Variants in CSMD1 observed in about 807,000 individuals in gnomAD.
CSMD1 encodes the protein CUB and sushi domain-containing protein 1.
CSMD1 carries 213 observed loss-of-function variants against 417.5 expected under a neutral mutation model. The ratio of observed to expected loss-of-function variants is 0.51; its 90% CI spans 0.46 to 0.57. The LOEUF is 0.57. Ranked by LOEUF, CSMD1 falls within the 20% of genes least tolerant of loss-of-function variation. The probability of loss-of-function intolerance (pLI) is 0.00; values close to 1 mark genes in which losing one functional copy is unlikely to be tolerated. For missense variants in CSMD1, 6,923 were observed against 4,529.7 expected (o/e 1.53, Z -15.17); for synonymous variants, 2,862 against 1,736.8 (o/e 1.65, Z -16.11).
intron 2 of CSMD1, among the ~76,000 whole-genome samples, chr8:4,473,926 A>G (rs960684486): frequency 2.0e-5 from 3 of 152,204 alleles, no homozygotes; most frequent in Non-Finnish European, 4.4e-5. Context: ...ATCAATAAAT[A>G]ATATTAAAGC....
chr8:3,211,884 G>A (rs1797630538), intron 30 of CSMD1, among the ~76,000 whole-genome samples: 3 of 152,196 alleles, frequency 2.0e-5, no homozygotes, highest in Admixed American at 2.0e-4. Flanking sequence ...GGCCGCTCAG[G>A]ATATGAGGGG....
At chr8:3,266,624 A>AAAAAG in intron 26 of CSMD1, among the ~76,000 whole-genome samples, 1 of 149,918 alleles carries the variant, frequency 6.7e-6, no homozygotes, top group African/African-American at 2.5e-5. Context: ...AAAAAAAAAA[A>AAAAAG]AAAAGCCAGG....
At chr8:3,248,335 C>G (rs548202781) in intron 26 of CSMD1, among the ~76,000 whole-genome samples, 1 of 151,960 alleles carries the variant, frequency 6.6e-6, no homozygotes, top group African/African-American at 2.4e-5. Flanking sequence ...ATGAACAGCA[C>G]CCATGTTTAC....
chr8:3,563,996 C>G (rs926504566), intron 10 of CSMD1, among the ~76,000 whole-genome samples: 1 of 152,052 alleles, frequency 6.6e-6, no homozygotes, highest in African/African-American at 2.4e-5. Context: ...CATTAAAGTT[C>G]TGTCTTTTTA....
rs147909163 is a variant in CSMD1, at chr8:4,888,504, T to TGAGA, written c.85+105824_85+105827dup. Among the ~76,000 whole-genome samples, 83 of 145,294 alleles carry TGAGA rather than the reference T, an allele frequency of 5.7e-4. No individual in the cohort carries two copies. The Middle Eastern group carries it at 0.011, about 19-fold the overall frequency. ...ACATACAGAAGGATAGACTGATAGATGAGAGAGAGAGAGAGAGAGAGAGAG... is the reference window on the plus strand; with the variant it reads ...ACATACAGAAGGATAGACTGATAGATGAGAGAGAGAGAGAGAGAGAGAGAGAGAG... On this transcript the variant is annotated intron_variant, in intron 1 of 69. Coordinates refer to ENST00000635120, the MANE Select transcript of CSMD1 (RefSeq NM_033225.6).
At chr8:4,731,875 A>C (rs1055211353) in intron 1 of CSMD1, among the ~76,000 whole-genome samples, 5 of 152,106 alleles carry the variant, frequency 3.3e-5, no homozygotes, top group African/African-American at 1.2e-4. Flanking sequence ...CTGTATTTTT[A>C]TTCTAACTGT....
chr8:3,932,737 G>C lies in CSMD1; in HGVS notation c.818+65166C>G, dbSNP rs1279726468. On this transcript the variant is annotated intron_variant, in intron 5 of 69. Transcript: ENST00000635120. ...TAATGTTAATTGATTAGAAAAAATA[G>C]TGTAATGGGATAAACCACTAATAAC... Among the ~76,000 whole-genome samples, 7 of 150,532 alleles carry C rather than the reference G, an allele frequency of 4.7e-5. No individual in the cohort carries two copies. The East Asian group carries it at 1.4e-3, about 29-fold the overall frequency.
rs565079297 is a variant in CSMD1 at position 3,736,337 on chromosome 8, G to A, written c.931+17593C>T. Among the ~76,000 whole-genome samples, 23 of 152,064 alleles carry A rather than the reference G, an allele frequency of 1.5e-4. No homozygotes were observed. The South Asian group carries it at 4.6e-3, about 30-fold the overall frequency. On this transcript the variant is annotated intron_variant, in intron 6 of 69. Transcript: ENST00000635120. Reference sequence around the variant, plus strand: ...ACTCACTGCAGCCTCCACCTCCTGGGCTCAGGTGATTCTCCTACCTCAGCC... The same window carrying A: ...ACTCACTGCAGCCTCCACCTCCTGGACTCAGGTGATTCTCCTACCTCAGCC...
At chr8:3,580,048 G>C (rs930949495) in intron 9 of CSMD1, among the ~76,000 whole-genome samples, 1 of 152,088 alleles carries the variant, frequency 6.6e-6, no homozygotes, top group Non-Finnish European at 1.5e-5. Flanking sequence ...AAGTTGCAGC[G>C]AGCCAAGATA....
rs1003761870 is a variant in CSMD1, at chr8:4,298,944, C to T, written c.415+121009G>A. ...CACATAAATACATAAACACACAATA[C>T]ATATATATGTCATATATAATAGAAC... On this transcript the variant is annotated intron_variant, in intron 3 of 69. Transcript: ENST00000635120. Among the ~76,000 whole-genome samples, 4 of 151,798 alleles carry T rather than the reference C, an allele frequency of 2.6e-5. 1 individual carries two copies. Among genetic ancestry groups the T allele is most frequent in the South Asian group, 4.2e-4 (2 of 4,814 alleles).
intron 8 of CSMD1, among the ~76,000 whole-genome samples, chr8:3,597,338 T>C (rs1016029006): frequency 6.6e-6 from 1 of 151,994 alleles, no homozygotes; most frequent in South Asian, 2.1e-4. Flanking sequence ...CTCTGTCTGG[T>C]TCCAATTTCC....
intron 3 of CSMD1, among the ~76,000 whole-genome samples, chr8:4,355,951 AT>A (rs966990588): frequency 2.6e-5 from 4 of 152,070 alleles, no homozygotes; most frequent in East Asian, 1.9e-4. Context: ...GTAGAATTGC[AT>A]TTTTTTATGG....
chr8:3,122,753 GA>G (rs113444502), intron 41 of CSMD1, among the ~76,000 whole-genome samples: 7,623 of 152,064 alleles, frequency 0.05, 558 homozygotes, highest in African/African-American at 0.17. Flanking sequence ...CAGCTCCCCC[GA>G]CCCCAGCCAT....
intron 1 of CSMD1, among the ~76,000 whole-genome samples, chr8:4,714,195 C>T (rs1050202942): frequency 4.6e-5 from 7 of 152,188 alleles, no homozygotes; most frequent in African/African-American, 1.7e-4. Flanking sequence ...ACACCAAGCT[C>T]CACGTCCACC....
At chr8:3,708,964 G>A (rs139549581) in intron 6 of CSMD1, among the ~76,000 whole-genome samples, 180 of 152,232 alleles carry the variant, frequency 1.2e-3, no homozygotes, top group African/African-American at 4.2e-3. Flanking sequence ...ATCTGTGTGG[G>A]TGGGGAGCAA....
chr8:3,677,807 G>A (rs1012857542), intron 7 of CSMD1, among the ~76,000 whole-genome samples: 2 of 152,130 alleles, frequency 1.3e-5, no homozygotes, highest in African/African-American at 2.4e-5. Context: ...AAAACCAGTA[G>A]ATGACATAAA....
chr8:3,480,851 T>A (rs1357698354), intron 11 of CSMD1, among the ~76,000 whole-genome samples: 1 of 151,930 alleles, frequency 6.6e-6, no homozygotes, highest in African/African-American at 2.4e-5. Flanking sequence ...ATAATTTGTT[T>A]TTGCAAATTA....
intron 8 of CSMD1, among the ~76,000 whole-genome samples, chr8:3,610,614 G>C (rs1203046313): frequency 6.6e-6 from 1 of 152,088 alleles, no homozygotes; most frequent in Non-Finnish European, 1.5e-5. Context: ...ACAATCCTAA[G>C]CTACCAGTAT....
intron 5 of CSMD1, among the ~76,000 whole-genome samples, chr8:3,981,358 G>T (rs868808377): frequency 6.6e-6 from 1 of 152,000 alleles, no homozygotes; most frequent in African/African-American, 2.4e-5. Context: ...GAGTGGAAGG[G>T]GGGTGAAGGA....
Sources: gnomAD v4.1 joint callset for allele counts (sites outside exome capture counted in the v4.1 genomes callset) on GRCh38, gnomAD v4.1.1 for gene constraint, MANE v1.5 for transcripts, NCBI Gene and HGNC (gene_info 2026-07-23, HGNC 2026-07-21) for gene names.